Variants in CDK8 observed in about 807,000 individuals in gnomAD.
CDK8 encodes cyclin-dependent kinase 8.
Under a neutral mutation model 71.5 loss-of-function variants are expected in CDK8, and 29 were observed. The observed-to-expected ratio is 0.41, with a 90% CI of 0.30 to 0.55. The LOEUF (loss-of-function observed/expected upper bound fraction) is 0.55. Ranked by LOEUF, CDK8 falls within the 20% of genes least tolerant of loss-of-function variation. The pLI, the probability that CDK8 is intolerant of heterozygous loss-of-function variation, is 0.37. For synonymous variants in CDK8, 161 were observed against 192.1 expected, an observed-to-expected ratio of 0.84 and a Z score of 1.34; for missense variants, 288 against 572.6, an observed-to-expected ratio of 0.50 and a Z score of 5.07.
At chr13:26,403,254 A>T (rs1876346577) in intron 12 of CDK8, among the ~76,000 whole-genome samples, 1 of 152,160 alleles carries the variant, frequency 6.6e-6, no homozygotes, top group Admixed American at 6.5e-5. Flanking sequence ...TCATGCCCGT[A>T]ATCCCAGTGG....
chr13:26,306,354 CAT>C (rs1255341907), intron 1 of CDK8, among the ~76,000 whole-genome samples: 4 of 152,128 alleles, frequency 2.6e-5, no homozygotes, highest in Admixed American at 2.0e-4. Flanking sequence ...TGGGAATGAA[CAT>C]ATTTCTTTGA....
intron 4 of CDK8, among the ~76,000 whole-genome samples, chr13:26,373,861 T>C (rs1035710143): frequency 6.6e-6 from 1 of 151,840 alleles, no homozygotes; most frequent in Non-Finnish European, 1.5e-5. Context: ...TAGTGTGTGT[T>C]TTTTTAAGTA....
chr13:26,366,355 A>G (rs1238975414), intron 4 of CDK8, among the ~76,000 whole-genome samples: 1 of 152,156 alleles, frequency 6.6e-6, no homozygotes, highest in Non-Finnish European at 1.5e-5. Flanking sequence ...ATTTTTATAA[A>G]TTTTGTTTGA....
In CDK8 at chr13:26,306,263, G is replaced by A. The variant is rs151124892; in HGVS notation, c.129-31304G>A. Among the ~76,000 whole-genome samples the A allele has an allele frequency of 8.0e-3, 1,215 of 152,182 alleles. 27 individuals are homozygous for A. The highest frequency in any genetic ancestry group is 0.026 in the African/African-American group (1,093 of 41,508). On this transcript the variant is annotated intron_variant, in intron 1 of 12. Coordinates refer to ENST00000381527, the MANE Select transcript of CDK8 (RefSeq NM_001260.3). ...TCCTGTATCTTCCCTGGCATTAGTG[G>A]TTTCTGGACTGTAAATTTTTATCTG...
intron 1 of CDK8, among the ~76,000 whole-genome samples, chr13:26,314,944 T>C (rs1565968943): frequency 6.6e-6 from 1 of 152,130 alleles, no homozygotes; most frequent in Non-Finnish European, 1.5e-5. Flanking sequence ...TTAATATTGC[T>C]AGCAAAGCTC....
At chr13:26,393,635 C>A in intron 7 of CDK8, 125 bp downstream of exon 7, 2 of 938,138 alleles carry the variant, frequency 2.1e-6, no homozygotes, top group Non-Finnish European at 3.2e-6. Flanking sequence ...TGTTTTTTGA[C>A]TTGCATTTAT....
intron 4 of CDK8, chr13:26,359,058 A>G (rs1470141502): frequency 1.1e-5 from 3 of 285,148 alleles, no homozygotes; most frequent in African/African-American, 6.8e-5. Flanking sequence ...TCTTTTGGGT[A>G]AGAAAATTGA....
At chr13:26,260,411 A>ACT (rs1432613631) in intron 1 of CDK8, among the ~76,000 whole-genome samples, 1 of 151,912 alleles carries the variant, frequency 6.6e-6, no homozygotes, top group Non-Finnish European at 1.5e-5. Context: ...CTGATTTAAG[A>ACT]CTCTCTCATG....
At chr13:26,379,821 A>T (rs1875132251) in intron 4 of CDK8, among the ~76,000 whole-genome samples, 1 of 152,160 alleles carries the variant, frequency 6.6e-6, no homozygotes, top group Non-Finnish European at 1.5e-5. Flanking sequence ...GGTAGGGTAA[A>T]GGAGGGATGG....
chr13:26,333,247 C>A (rs1237562722), intron 1 of CDK8, among the ~76,000 whole-genome samples: 4 of 151,840 alleles, frequency 2.6e-5, no homozygotes, highest in Non-Finnish European at 5.9e-5. Context: ...TCAAGCAATT[C>A]TTCTACCTCA....
intron 9 of CDK8, among the ~76,000 whole-genome samples, chr13:26,399,345 G>C (rs947555899): frequency 6.6e-6 from 1 of 152,066 alleles, no homozygotes; most frequent in African/African-American, 2.4e-5. Flanking sequence ...TTAGTTCATT[G>C]GTTTTCAAAA....
intron 4 of CDK8, among the ~76,000 whole-genome samples, chr13:26,363,359 A>G (rs1321208909): frequency 6.9e-6 from 1 of 145,876 alleles, no homozygotes; most frequent in African/African-American, 2.5e-5. Flanking sequence ...GGAGTATTTC[A>G]ACTATTGCAG....
At chr13:26,308,786 A>G (rs2137927217) in intron 1 of CDK8, among the ~76,000 whole-genome samples, 1 of 152,280 alleles carries the variant, frequency 6.6e-6, no homozygotes, top group South Asian at 2.1e-4. Context: ...TTTCCTCTTC[A>G]GCCCACTCCA....
intron 1 of CDK8, among the ~76,000 whole-genome samples, chr13:26,260,554 T>C (rs1253690071): frequency 2.6e-5 from 4 of 152,012 alleles, no homozygotes; most frequent in African/African-American, 9.7e-5. Context: ...TGGTAACAAA[T>C]TGGAAGGGGA....
chr13:26,359,493 C>T (rs1874039885), intron 4 of CDK8: 1 of 160,244 alleles, frequency 6.2e-6, no homozygotes, highest in African/African-American at 2.4e-5. Context: ...AATAACAAGA[C>T]ATGATGCATC....
At chr13:26,330,403 C>T (rs1176063999) in intron 1 of CDK8, among the ~76,000 whole-genome samples, 1 of 152,156 alleles carries the variant, frequency 6.6e-6, no homozygotes, top group African/African-American at 2.4e-5. Flanking sequence ...CAGGGTTTCA[C>T]CATGTTGGCC....
chr13:26,332,641 C>A (rs886102214), intron 1 of CDK8, among the ~76,000 whole-genome samples: 2 of 152,122 alleles, frequency 1.3e-5, no homozygotes, highest in African/African-American at 4.8e-5. Context: ...AAGTGAGCAT[C>A]CTTGTCTTCT....
At chr13:26,336,576 C>T (rs573647212) in intron 1 of CDK8, among the ~76,000 whole-genome samples, 3 of 119,680 alleles carry the variant, frequency 2.5e-5, no homozygotes, top group Non-Finnish European at 4.8e-5. Flanking sequence ...TTTTTTGAGA[C>T]GGAGTCTCGC....
At chr13:26,348,732 A>T (rs774368099) in intron 2 of CDK8, among the ~76,000 whole-genome samples, 3 of 152,190 alleles carry the variant, frequency 2.0e-5, no homozygotes, top group Non-Finnish European at 4.4e-5. Context: ...ATCGCAGAAC[A>T]TTGTGAATAT....
Sources: gnomAD v4.1 joint callset for allele counts (sites outside exome capture counted in the v4.1 genomes callset) on GRCh38, gnomAD v4.1.1 for gene constraint, MANE v1.5 for transcripts, NCBI Gene and HGNC (gene_info 2026-07-23, HGNC 2026-07-21) for gene names.